AGMO: variants seen among roughly 807,000 people sequenced by gnomAD.
AGMO encodes glyceryl-ether monooxygenase.
Under a neutral mutation model 60.2 loss-of-function variants are expected in AGMO, and 75 were observed. The observed-to-expected ratio is 1.25, with a 90% CI of 1.03 to 1.51. The LOEUF (loss-of-function observed/expected upper bound fraction) is 1.51, where lower values mean the gene tolerates loss of function less well. Ranked by LOEUF, AGMO falls within the 40% of genes most tolerant of loss-of-function variation. The pLI, the probability that AGMO is intolerant of heterozygous loss-of-function variation, is 0.00. For missense variants in AGMO, 763 were observed against 525.5 expected (o/e 1.45, Z -4.42); for synonymous variants, 261 against 177.1 (o/e 1.47, Z -3.76).
intron 9 of AGMO, among the ~76,000 whole-genome samples, chr7:15,386,461 A>G (rs770911670): frequency 2.6e-5 from 4 of 152,176 alleles, no homozygotes; most frequent in African/African-American, 9.7e-5. Flanking sequence ...CGATCATAGC[A>G]AACAGCTTTT....
chr7:15,223,037 C>G (rs567603935), intron 12 of AGMO, among the ~76,000 whole-genome samples: 1 of 151,944 alleles, frequency 6.6e-6, no homozygotes, highest in East Asian at 1.9e-4. Flanking sequence ...TGTATATACT[C>G]AACAATGAAG....
At chr7:15,121,530 G>C in the AGMO span, among the ~76,000 whole-genome samples, 3 of 152,104 alleles carry the variant, frequency 2.0e-5, no homozygotes, top group African/African-American at 7.2e-5. Context: ...GGTATGAGAT[G>C]GTATCTCACT....
At chr7:15,276,632 T>C (rs1191576950) in intron 12 of AGMO, among the ~76,000 whole-genome samples, 2 of 152,190 alleles carry the variant, frequency 1.3e-5, no homozygotes, top group Non-Finnish European at 2.9e-5. Context: ...AATGTGTTTT[T>C]CACATTTTTT....
intron 3 of AGMO, among the ~76,000 whole-genome samples, chr7:15,468,346 A>G (rs1267525959): frequency 6.6e-6 from 1 of 152,152 alleles, no homozygotes; most frequent in Non-Finnish European, 1.5e-5. Flanking sequence ...ATACGATTCA[A>G]TAATTATTAT....
At chr7:15,516,658 C>G (rs73066260) in intron 3 of AGMO, among the ~76,000 whole-genome samples, 3,963 of 152,244 alleles carry the variant, frequency 0.026, 75 homozygotes, top group Middle Eastern at 0.058. Flanking sequence ...GAGCACACAT[C>G]TGGACACTTA....
intron 12 of AGMO, among the ~76,000 whole-genome samples, chr7:15,356,830 G>C (rs192965114): frequency 1.2e-4 from 18 of 151,648 alleles, no homozygotes; most frequent in African/African-American, 4.1e-4. Context: ...ATTAGGGCCC[G>C]GTTGCAGTGG....
intron 3 of AGMO, among the ~76,000 whole-genome samples, chr7:15,492,730 A>G (rs941085088): frequency 3.9e-5 from 6 of 152,122 alleles, no homozygotes; most frequent in Non-Finnish European, 8.8e-5. Flanking sequence ...CTTAGATGGT[A>G]TGCAATATAT....
chr7:15,342,166 C>A (rs534982863), intron 12 of AGMO, among the ~76,000 whole-genome samples: 8 of 52,754 alleles, frequency 1.5e-4, no homozygotes, highest in South Asian at 6.0e-4. Context: ...TAGATACCCA[C>A]AGAGTTAAAA....
the AGMO span, among the ~76,000 whole-genome samples, chr7:15,177,967 T>C: frequency 1.3e-5 from 2 of 152,198 alleles, no homozygotes; most frequent in South Asian, 2.1e-4. Context: ...ATTTTCATTA[T>C]ATATCCCAAT....
At chr7:15,232,801 GCACACACACA>G (rs71004371) in intron 12 of AGMO, among the ~76,000 whole-genome samples, 2 of 147,126 alleles carry the variant, frequency 1.4e-5, no homozygotes, top group East Asian at 2.1e-4. Flanking sequence ...ACACACACAC[GCACACACACA>G]CACACACACA....
chr7:15,519,763 A>G (rs1469174555), intron 3 of AGMO, among the ~76,000 whole-genome samples: 2 of 152,126 alleles, frequency 1.3e-5, no homozygotes, highest in Admixed American at 6.5e-5. Context: ...GGGCAAAATA[A>G]CCAGCTAGTA....
intron 3 of AGMO, among the ~76,000 whole-genome samples, chr7:15,485,050 C>G (rs1410240762): frequency 6.7e-6 from 1 of 149,048 alleles, no homozygotes; most frequent in African/African-American, 2.5e-5. Context: ...ATATGTTTTA[C>G]ACTTTGGGAG....
chr7:15,366,933 T>C (rs1227039698), intron 10 of AGMO, among the ~76,000 whole-genome samples: 1 of 152,058 alleles, frequency 6.6e-6, no homozygotes, highest in Non-Finnish European at 1.5e-5. Flanking sequence ...TTGAGATTAT[T>C]AGATTTCTAA....
chr7:15,317,134 G>A (rs1350274967), intron 12 of AGMO, among the ~76,000 whole-genome samples: 3 of 152,044 alleles, frequency 2.0e-5, no homozygotes, highest in East Asian at 1.9e-4. Context: ...AAGTGGTAAC[G>A]TTGACTTTCA....
intron 5 of AGMO, among the ~76,000 whole-genome samples, chr7:15,412,684 TAAAAAAAAAAA>T (rs765917941): frequency 9.0e-6 from 1 of 111,374 alleles, no homozygotes; most frequent in Admixed American, 9.6e-5. Context: ...TTTCATTATT[TAAAAAAAAAAA>T]AAAAAAAAAA....
chr7:15,531,417 CTA>C (rs1332193417), intron 3 of AGMO, among the ~76,000 whole-genome samples: 1 of 56,690 alleles, frequency 1.8e-5, no homozygotes, highest in African/African-American at 8.7e-5. Context: ...TATATATATT[CTA>C]TATATATTCT....
At chr7:15,400,732 TAAAC>T (rs1026524205) in intron 5 of AGMO, among the ~76,000 whole-genome samples, 7 of 151,946 alleles carry the variant, frequency 4.6e-5, no homozygotes, top group African/African-American at 1.2e-4. Flanking sequence ...AACAAACAAA[TAAAC>T]AAAAGAAACA....
At chr7:15,159,422 C>T in the AGMO span, among the ~76,000 whole-genome samples, 1 of 152,152 alleles carries the variant, frequency 6.6e-6, no homozygotes, top group East Asian at 1.9e-4. Context: ...TTCAGTTCTT[C>T]TGTTTCTTCT....
chr7:15,534,174 C>G (rs1784431633), intron 3 of AGMO, among the ~76,000 whole-genome samples: 1 of 151,594 alleles, frequency 6.6e-6, no homozygotes, highest in South Asian at 2.1e-4. Context: ...TTCCTAGGTT[C>G]TCGAAAAGAC....
Sources: gnomAD v4.1 joint callset for allele counts (sites outside exome capture counted in the v4.1 genomes callset) on GRCh38, gnomAD v4.1.1 for gene constraint, MANE v1.5 for transcripts, NCBI Gene and HGNC (gene_info 2026-07-23, HGNC 2026-07-21) for gene names.